The following LPP variants were observed in gnomAD, a reference collection of about 807,000 sequenced individuals.
The protein encoded by LPP is LIM domain containing preferred translocation partner in lipoma.
LPP carries 38 observed loss-of-function variants against 60.4 expected under a neutral mutation model. The observed-to-expected ratio is 0.63, with a 90% CI of 0.49 to 0.83. The LOEUF (loss-of-function observed/expected upper bound fraction) is 0.83. LPP is among the 40% of genes least tolerant of loss of function. The probability of loss-of-function intolerance (pLI) is 0.00; values close to 1 mark genes in which losing one functional copy is unlikely to be tolerated. For synonymous variants in LPP, 328 were observed against 290.8 expected (o/e 1.13, Z -1.30); for missense variants, 902 against 783.6 (o/e 1.15, Z -1.80).
At position 188,693,714 on chromosome 3, in the gene LPP, G is replaced by A. The variant is rs144046918; in HGVS notation, c.1114-14553G>A. Among the ~76,000 whole-genome samples the A allele has an allele frequency of 6.8e-3, 1,042 of 152,216 alleles. 15 individuals are homozygous for A. The highest frequency in any genetic ancestry group is 0.024 in the African/African-American group (981 of 41,524). ...TGTTGTCAGTGTGTGTCGCCTCGCC[G>A]AGAATAACAGCAATGATTTTCACTT... On this transcript the variant is annotated intron_variant, in intron 7 of 11. Coordinates refer to ENST00000617246, the MANE Select transcript of LPP (RefSeq NM_001375462.1).
intron 2 of LPP, among the ~76,000 whole-genome samples, chr3:188,334,732 A>G (rs1355107056): frequency 6.6e-6 from 1 of 152,098 alleles, no homozygotes; most frequent in African/African-American, 2.4e-5. Context: ...CCCAGCCAAT[A>G]TTTCTAATTT....
intron 8 of LPP, among the ~76,000 whole-genome samples, chr3:188,714,552 A>G (rs957526542): frequency 6.6e-6 from 1 of 152,058 alleles, no homozygotes; most frequent in African/African-American, 2.4e-5. Context: ...TTTATAAAAT[A>G]TAACAAACAG....
chr3:188,371,143 C>A (rs1772944567), intron 3 of LPP, among the ~76,000 whole-genome samples: 1 of 152,048 alleles, frequency 6.6e-6, no homozygotes, highest in Admixed American at 6.6e-5. Context: ...TTATTGGGAC[C>A]AGGTTTCATG....
chr3:188,387,696 A>G (rs1778676948), intron 3 of LPP, among the ~76,000 whole-genome samples: 1 of 151,608 alleles, frequency 6.6e-6, no homozygotes, highest in South Asian at 2.1e-4. Context: ...CCTCCCGAGT[A>G]GCTGGGATTA....
intron 7 of LPP, among the ~76,000 whole-genome samples, chr3:188,645,465 G>C (rs907974092): frequency 6.6e-6 from 1 of 151,996 alleles, no homozygotes; most frequent in African/African-American, 2.4e-5. Context: ...CTGTATTCGG[G>C]GTCCTGTCCT....
chr3:188,517,888 C>T (rs185100314), intron 5 of LPP, among the ~76,000 whole-genome samples: 1 of 152,250 alleles, frequency 6.6e-6, no homozygotes, highest in Admixed American at 6.5e-5. Flanking sequence ...TCAGTGACCT[C>T]CCCATGGTAC....
At chr3:188,705,443 C>G (rs1865295792) in intron 7 of LPP, among the ~76,000 whole-genome samples, 1 of 152,034 alleles carries the variant, frequency 6.6e-6, no homozygotes, top group Non-Finnish European at 1.5e-5. Context: ...TGTGACCAAC[C>G]TTCGTCATTT....
At chr3:188,418,193 A>G (rs1209872106) in intron 4 of LPP, among the ~76,000 whole-genome samples, 1 of 152,194 alleles carries the variant, frequency 6.6e-6, no homozygotes. Flanking sequence ...AGGTTAGGCT[A>G]ATAAATGTAG....
intron 2 of LPP, among the ~76,000 whole-genome samples, chr3:188,267,262 T>C (rs142756122): frequency 1.5e-3 from 225 of 152,306 alleles, no homozygotes; most frequent in Middle Eastern, 6.8e-3. Context: ...CTGCTGTGCA[T>C]GCTCTCTGGA....
intron 2 of LPP, among the ~76,000 whole-genome samples, chr3:188,325,680 CTGTA>C (rs1458421018): frequency 6.6e-6 from 1 of 152,112 alleles, no homozygotes; most frequent in African/African-American, 2.4e-5. Context: ...GCTAGGCACA[CTGTA>C]TGGTAAATTA....
intron 6 of LPP, chr3:188,554,084 A>G (rs1484579214): frequency 6.6e-6 from 1 of 152,178 alleles, no homozygotes; most frequent in Non-Finnish European, 1.5e-5. Context: ...GTATATCAAG[A>G]ATCAGAAATA....
chr3:188,231,161 C>G (rs1371470168), intron 2 of LPP, among the ~76,000 whole-genome samples: 1 of 152,130 alleles, frequency 6.6e-6, no homozygotes. Flanking sequence ...GCCTCATTCT[C>G]TTTACGAGAA....
chr3:188,851,016 C>G (rs137977300), intron 9 of LPP, among the ~76,000 whole-genome samples: 1 of 152,080 alleles, frequency 6.6e-6, no homozygotes, highest in Admixed American at 6.5e-5. Context: ...GAAGTAGGGC[C>G]AATGGGGAAG....
intron 7 of LPP, among the ~76,000 whole-genome samples, chr3:188,693,504 G>A (rs758920112): frequency 6.6e-6 from 1 of 152,164 alleles, no homozygotes; most frequent in Admixed American, 6.5e-5. Flanking sequence ...AGATGAAAGG[G>A]GGGAGGCAAG....
At chr3:188,809,582 C>T (rs1046385631) in intron 9 of LPP, among the ~76,000 whole-genome samples, 7 of 152,034 alleles carry the variant, frequency 4.6e-5, no homozygotes, top group Non-Finnish European at 7.4e-5. Flanking sequence ...GGATGTTAGA[C>T]GTTTGTCAGA....
At chr3:188,305,786 T>C (rs552024848) in intron 2 of LPP, among the ~76,000 whole-genome samples, 5 of 152,224 alleles carry the variant, frequency 3.3e-5, no homozygotes, top group African/African-American at 1.2e-4. Context: ...ATGATGCCAG[T>C]AGTGTCATGA....
At chr3:188,617,341 A>G (rs1845046903) in intron 7 of LPP, among the ~76,000 whole-genome samples, 1 of 152,186 alleles carries the variant, frequency 6.6e-6, no homozygotes, top group Non-Finnish European at 1.5e-5. Context: ...TAACTCTTCT[A>G]TTCTGCAGTT....
intron 2 of LPP, among the ~76,000 whole-genome samples, chr3:188,264,157 G>A (rs1443572625): frequency 1.3e-5 from 2 of 152,024 alleles, no homozygotes; most frequent in African/African-American, 2.4e-5. Context: ...ATTAGTAGGT[G>A]CTTATTAAGC....
intron 6 of LPP, among the ~76,000 whole-genome samples, chr3:188,569,713 A>G (rs1477276605): frequency 1.3e-5 from 2 of 152,018 alleles, no homozygotes. Flanking sequence ...GGCAGAGGTC[A>G]TGTTTCAGCC....
Sources: allele counts gnomAD v4.1 joint callset (sites outside exome capture counted in the v4.1 genomes callset), GRCh38; gene constraint gnomAD v4.1.1; transcripts MANE v1.5; gene names NCBI Gene and HGNC (gene_info 2026-07-23, HGNC 2026-07-21).